Variants in PDE5A observed in about 807,000 individuals in gnomAD.
PDE5A encodes the protein cGMP-specific 3',5'-cyclic phosphodiesterase.
A neutral mutation model predicts 110.2 loss-of-function variants in PDE5A; 67 were observed. The ratio of observed to expected loss-of-function variants is 0.61; its 90% CI spans 0.50 to 0.75. The LOEUF (loss-of-function observed/expected upper bound fraction) is 0.75. Among genes scored for constraint, PDE5A ranks in the 30% least tolerant of loss-of-function variants. The pLI, the probability that PDE5A is intolerant of heterozygous loss-of-function variation, is 0.00. For missense variants in PDE5A, 862 were observed against 1,045.1 expected (o/e 0.82, Z 2.42); for synonymous variants, 328 against 351.2 (o/e 0.93, Z 0.74).
Position 119,496,091 on chromosome 4 carries a change from A to AT in PDE5A, c.*2509dup, listed in dbSNP as rs1252890712. 2.0e-5 allele frequency: 3 copies of AT among 152,308 alleles called. No individual in the cohort carries two copies. In the East Asian group the frequency reaches 5.8e-4, roughly 29 times the overall value. The allele number at this position is 152,308 out of a possible 1,614,324, so 9.4% of individuals were successfully genotyped here. A position where few individuals can be genotyped will look rare whatever the true frequency, so the allele number is the denominator to read the frequency against. ...GGCACGGTCTAATCTACTGAAAAAT[A>AT]TAAGGCCAGGCAATTATATAGATAT... is the stretch of plus-strand genomic sequence containing the variant. On this transcript the variant is annotated 3_prime_UTR_variant, in exon 21 of 21. Transcript: ENST00000354960.
At chr4:119,528,701 TTC>T (rs1483857050) in intron 11 of PDE5A, 2 of 152,106 alleles carry the variant, frequency 1.3e-5, no homozygotes, top group Non-Finnish European at 2.9e-5. Context: ...AGGTTTAACA[TTC>T]TCTGATATAT....
chr4:119,594,037 C>T (rs1473150136), intron 3 of PDE5A, among the ~76,000 whole-genome samples: 1 of 152,084 alleles, frequency 6.6e-6, no homozygotes. Flanking sequence ...GCCCTTGATA[C>T]GTAGGGATTA....
chr4:119,588,456 C>T (rs982941451), intron 3 of PDE5A, among the ~76,000 whole-genome samples: 13 of 150,184 alleles, frequency 8.7e-5, no homozygotes, highest in Admixed American at 8.0e-4. Flanking sequence ...GGATTACAGG[C>T]GTGAGCCACC....
chr4:119,547,720 AG>A (rs1727181843), intron 9 of PDE5A, among the ~76,000 whole-genome samples: 1 of 152,116 alleles, frequency 6.6e-6, no homozygotes, highest in East Asian at 1.9e-4. Flanking sequence ...AATGCGTTTC[AG>A]GTTCTAAGTG....
At chr4:119,505,085 A>G (rs184513645) in intron 17 of PDE5A, among the ~76,000 whole-genome samples, 2 of 151,970 alleles carry the variant, frequency 1.3e-5, no homozygotes, top group Non-Finnish European at 2.9e-5. Flanking sequence ...TGAATGATTA[A>G]TCATGTTTTT....
chr4:119,613,069 C>G (rs970752724), intron 1 of PDE5A, among the ~76,000 whole-genome samples: 65 of 152,230 alleles, frequency 4.3e-4, no homozygotes, highest in African/African-American at 1.5e-3. Context: ...GCTGATGAAG[C>G]CTTCAAATAT....
chr4:119,529,629 T>C (rs1403507143), intron 11 of PDE5A, among the ~76,000 whole-genome samples: 2 of 152,284 alleles, frequency 1.3e-5, no homozygotes, highest in South Asian at 2.1e-4. Context: ...TGTAGAAGTT[T>C]CCATAGTGAG....
chr4:119,527,645 A>C (rs1332971228), intron 11 of PDE5A, among the ~76,000 whole-genome samples: 1 of 152,192 alleles, frequency 6.6e-6, no homozygotes, highest in Admixed American at 6.6e-5. Flanking sequence ...TATTTCTGGC[A>C]TAGGATGTAT....
Position 119,562,918 on chromosome 4 carries a change from A to G in PDE5A, c.1046T>C (p.Val349Ala), listed in dbSNP as rs370479838. Residue 349 changes from valine (V) to alanine (A), a missense_variant, in exon 6 of 21, where the codon GTA (valine) becomes GCA (alanine). Coordinates refer to ENST00000354960, the MANE Select transcript of PDE5A (RefSeq NM_001083.4). ...AGTGGCAGCTATTTTCTTCAAAATT[A>G]CTTCTAATGATTGTTGTTCTTCAAA... The part of the protein sequence containing the change: ...LIFEEQQSLE[V>A]ILKKIAATII... The G allele has an allele frequency of 5.6e-6, 9 of 1,602,470 alleles. No individual in the cohort carries two copies. Among genetic ancestry groups the G allele is most frequent in the Non-Finnish European group, 7.7e-6 (9 of 1,175,796 alleles).
intron 14 of PDE5A, among the ~76,000 whole-genome samples, chr4:119,516,507 C>T (rs1725912726): frequency 6.6e-6 from 1 of 152,238 alleles, no homozygotes; most frequent in Non-Finnish European, 1.5e-5. Context: ...CAGGTAATCT[C>T]TCTACATAAC....
intron 3 of PDE5A, among the ~76,000 whole-genome samples, chr4:119,591,873 C>T (rs997496336): frequency 3.9e-5 from 6 of 151,934 alleles, no homozygotes; most frequent in African/African-American, 7.3e-5. Context: ...TGTTCTGGGC[C>T]GGGCGCAGTG....
Position 119,606,755 on chromosome 4 carries a change from T to G in PDE5A, c.695A>C (p.His232Pro), listed in dbSNP as rs1255573014. Reference protein sequence around the residue: ...RLEWNKGIVGHVAALGEPLNI... With the variant: ...RLEWNKGIVGPVAALGEPLNI... ...CAAGGGCTCACCAAGCGCTGCCACA[T>G]GTCCCACAATGCCTTTGTTCCATTC... Residue 232 changes from histidine to proline, a missense_variant, in exon 2 of 21, where the codon CAT (histidine) becomes CCT (proline). His to Pro is a moderately conservative substitution (Grantham distance 77, BLOSUM62 -2). Coordinates refer to ENST00000354960, the MANE Select transcript of PDE5A (RefSeq NM_001083.4). 8 of 1,614,176 alleles carry G rather than the reference T, an allele frequency of 5.0e-6. No homozygotes were observed. The highest frequency in any genetic ancestry group is 6.8e-6 in the Non-Finnish European group (8 of 1,180,032).
At chr4:119,555,051 C>T (rs1727490354) in intron 7 of PDE5A, among the ~76,000 whole-genome samples, 2 of 152,146 alleles carry the variant, frequency 1.3e-5, no homozygotes, top group Admixed American at 1.3e-4. Context: ...CCAACCTGAC[C>T]CAGCTGCTTC....
chr4:119,596,284 G>A (rs919854674), intron 3 of PDE5A, among the ~76,000 whole-genome samples: 3 of 151,826 alleles, frequency 2.0e-5, no homozygotes, highest in Non-Finnish European at 2.9e-5. Context: ...AAGAGGGGAG[G>A]TAGAATATGA....
intron 1 of PDE5A, among the ~76,000 whole-genome samples, chr4:119,616,759 T>A (rs1351730105): frequency 6.6e-6 from 1 of 151,654 alleles, no homozygotes; most frequent in Non-Finnish European, 1.5e-5. Flanking sequence ...AAAAAGGAAT[T>A]CTGGAGGTTA....
intron 19 of PDE5A, 99 bp from the exon 20 acceptor site, chr4:119,501,352 C>T: frequency 1.3e-6 from 1 of 747,378 alleles, no homozygotes; most frequent in Non-Finnish European, 2.3e-6. Context: ...ACTCTGTTGT[C>T]CAGGCTGGAG....
chr4:119,598,766 C>T (rs1161143010), intron 2 of PDE5A, among the ~76,000 whole-genome samples: 1 of 152,164 alleles, frequency 6.6e-6, no homozygotes, highest in Non-Finnish European at 1.5e-5. Flanking sequence ...GAGAGCAACG[C>T]TTTGAAACAG....
At chr4:119,576,026 G>A (rs1728328792) in intron 3 of PDE5A, among the ~76,000 whole-genome samples, 1 of 152,084 alleles carries the variant, frequency 6.6e-6, no homozygotes, top group South Asian at 2.1e-4. Context: ...AAAAAGGCAG[G>A]GGTTGCAATC....
At chr4:119,603,814 C>A (rs1475231171) in intron 2 of PDE5A, among the ~76,000 whole-genome samples, 1 of 152,062 alleles carries the variant, frequency 6.6e-6, no homozygotes. Flanking sequence ...AAGTGGTCTA[C>A]GATCAAATAA....
Sources: gnomAD v4.1 joint callset for allele counts (sites outside exome capture counted in the v4.1 genomes callset) on GRCh38, gnomAD v4.1.1 for gene constraint, MANE v1.5 for transcripts, NCBI Gene and HGNC (gene_info 2026-07-23, HGNC 2026-07-21) for gene names.